GALNT13: variants seen among roughly 807,000 people sequenced by gnomAD.
The protein encoded by GALNT13 is UDP-GalNAc:polypeptide N-acetylgalactosaminyltransferase 13.
GALNT13 carries 28 observed loss-of-function variants against 64.2 expected under a neutral mutation model. That is an observed-to-expected ratio of 0.44 (90% CI 0.32 to 0.60). The LOEUF (loss-of-function observed/expected upper bound fraction) is 0.60, where lower values mean the gene tolerates loss of function less well. GALNT13 is among the 20% of genes least tolerant of loss of function. The pLI is 0.05. For missense variants in GALNT13, 577 were observed against 669.8 expected, an observed-to-expected ratio of 0.86 and a Z score of 1.53; for synonymous variants, 214 against 224.6, an observed-to-expected ratio of 0.95 and a Z score of 0.42.
the GALNT13 span, among the ~76,000 whole-genome samples, chr2:153,540,753 G>T: frequency 6.6e-6 from 1 of 152,170 alleles, no homozygotes; most frequent in Non-Finnish European, 1.5e-5. Flanking sequence ...TGCCCCGCTG[G>T]GTTTCAAACT....
chr2:154,206,013 T>G (rs576524461), intron 4 of GALNT13, among the ~76,000 whole-genome samples: 21 of 151,898 alleles, frequency 1.4e-4, no homozygotes, highest in Non-Finnish European at 2.4e-4. Flanking sequence ...TTATTATTAT[T>G]TTAAGATAGA....
In GALNT13 at chr2:154,409,150, C is replaced by T. The variant is rs763864553; in HGVS notation, c.1395+68C>T. 44 of 928,762 alleles carry T rather than the reference C, an allele frequency of 4.7e-5. 1 individual carries two copies. The highest frequency in any genetic ancestry group is 4.6e-4 in the East Asian group (19 of 41,468). 57.5% of individuals were successfully genotyped at this position (928,762 alleles called of 1,614,324 possible). A position where few individuals can be genotyped will look rare whatever the true frequency, so the allele number is the denominator to read the frequency against. On this transcript the variant is annotated intron_variant, in intron 11 of 12. Coordinates refer to ENST00000392825, the MANE Select transcript of GALNT13 (RefSeq NM_052917.4). The stretch of plus-strand genomic sequence containing the variant: ...ATATTGTTAAAACTATCAGTGGAGA[C>T]CATGGCTCACATGTTAATAACTATA...
intron 3 of GALNT13, among the ~76,000 whole-genome samples, chr2:153,951,672 G>C (rs116545459): frequency 0.013 from 1,981 of 152,210 alleles, 49 homozygotes; most frequent in Admixed American, 0.054. Flanking sequence ...GTTTGTTTTG[G>C]ACACGTTGAG....
the GALNT13 span, among the ~76,000 whole-genome samples, chr2:153,180,120 A>T: frequency 1.2e-4 from 18 of 152,092 alleles, no homozygotes; most frequent in Non-Finnish European, 2.9e-5. Flanking sequence ...CTTAGGGAAA[A>T]GGGTTCAATT....
intron 3 of GALNT13, among the ~76,000 whole-genome samples, chr2:154,107,907 A>G (rs932671366): frequency 1.3e-5 from 2 of 152,070 alleles, no homozygotes; most frequent in African/African-American, 2.4e-5. Flanking sequence ...ATGTTCTCCA[A>G]TTTCATGTAG....
intron 3 of GALNT13, among the ~76,000 whole-genome samples, chr2:154,018,549 TAAG>T (rs908547216): frequency 2.0e-5 from 3 of 151,278 alleles, no homozygotes; most frequent in Non-Finnish European, 4.4e-5. Flanking sequence ...AGCGAGAAGA[TAAG>T]AGGATGGGGG....
the GALNT13 span, among the ~76,000 whole-genome samples, chr2:153,841,668 C>T: frequency 1.3e-5 from 2 of 152,120 alleles, no homozygotes; most frequent in South Asian, 2.1e-4. Flanking sequence ...TGTTCTTCCC[C>T]TACTCTCATA....
At chr2:153,557,857 C>A in the GALNT13 span, among the ~76,000 whole-genome samples, 941 of 152,212 alleles carry the variant, frequency 6.2e-3, 8 homozygotes, top group African/African-American at 0.022. Context: ...TTAGCTGCAC[C>A]TTTATTCCCA....
At chr2:153,784,943 A>C in the GALNT13 span, among the ~76,000 whole-genome samples, 1 of 152,214 alleles carries the variant, frequency 6.6e-6, no homozygotes, top group Non-Finnish European at 1.5e-5. Flanking sequence ...CCCCTGTCAC[A>C]GTACAGCAGC....
At chr2:153,721,140 G>C in the GALNT13 span, among the ~76,000 whole-genome samples, 2 of 146,266 alleles carry the variant, frequency 1.4e-5, no homozygotes, top group South Asian at 4.5e-4. Context: ...AGCCAGAAGA[G>C]AGTGGGGGCC....
chr2:153,281,388 A>G, the GALNT13 span, among the ~76,000 whole-genome samples: 19,685 of 151,426 alleles, frequency 0.13, 1,625 homozygotes, highest in Non-Finnish European at 0.18. Flanking sequence ...ATTTATATTT[A>G]GTATTGGTAT....
chr2:153,244,427 G>C, the GALNT13 span, among the ~76,000 whole-genome samples: 1 of 152,220 alleles, frequency 6.6e-6, no homozygotes, highest in Non-Finnish European at 1.5e-5. Context: ...GAAGGTGGGT[G>C]ATTTCTGCAT....
chr2:154,020,832 A>G (rs1697410695), intron 3 of GALNT13, among the ~76,000 whole-genome samples: 1 of 151,896 alleles, frequency 6.6e-6, no homozygotes, highest in African/African-American at 2.4e-5. Flanking sequence ...TTATGGTTTT[A>G]AGTCTAACAT....
chr2:154,261,271 A>T (rs559875906), intron 8 of GALNT13, among the ~76,000 whole-genome samples: 1 of 152,306 alleles, frequency 6.6e-6, no homozygotes, highest in East Asian at 1.9e-4. Context: ...TTAGGAAATA[A>T]AATACTTATC....
chr2:153,665,121 A>T, the GALNT13 span, among the ~76,000 whole-genome samples: 2 of 152,198 alleles, frequency 1.3e-5, no homozygotes, highest in South Asian at 2.1e-4. Flanking sequence ...TGTGTGATTG[A>T]TCCTCACTTT....
At chr2:154,138,716 AT>A (rs555309399) in intron 3 of GALNT13, among the ~76,000 whole-genome samples, 2 of 151,958 alleles carry the variant, frequency 1.3e-5, no homozygotes, top group South Asian at 2.1e-4. Context: ...AGACTAAAAA[AT>A]TTTTTTAATC....
intron 3 of GALNT13, among the ~76,000 whole-genome samples, chr2:154,126,668 G>T (rs1682296666): frequency 6.6e-6 from 1 of 151,328 alleles, no homozygotes; most frequent in Admixed American, 6.6e-5. Context: ...AAAAAAGAAA[G>T]AAAAGAAGAA....
At chr2:154,276,586 T>A (rs1691663918) in intron 8 of GALNT13, among the ~76,000 whole-genome samples, 1 of 152,166 alleles carries the variant, frequency 6.6e-6, no homozygotes, top group African/African-American at 2.4e-5. Flanking sequence ...TTTGAGTTAA[T>A]GCTAAAATGA....
chr2:153,960,386 G>C (rs1289754574), intron 3 of GALNT13, among the ~76,000 whole-genome samples: 1 of 152,228 alleles, frequency 6.6e-6, no homozygotes, highest in Non-Finnish European at 1.5e-5. Flanking sequence ...AACAATTCAA[G>C]GGCAAGCCAG....
Sources: allele counts gnomAD v4.1 joint callset (sites outside exome capture counted in the v4.1 genomes callset), GRCh38; gene constraint gnomAD v4.1.1; transcripts MANE v1.5; gene names NCBI Gene and HGNC (gene_info 2026-07-23, HGNC 2026-07-21).